WWP1: variants seen among roughly 807,000 people sequenced by gnomAD.
WWP1 encodes the protein WW domain containing E3 ubiquitin protein ligase 1.
A neutral mutation model predicts 130.6 loss-of-function variants in WWP1; 49 were observed. The ratio of observed to expected loss-of-function variants is 0.38; its 90% CI spans 0.30 to 0.48. The LOEUF (loss-of-function observed/expected upper bound fraction) is 0.48. Among genes scored for constraint, WWP1 ranks in the 20% least tolerant of loss-of-function variants. The pLI, the probability that WWP1 is intolerant of heterozygous loss-of-function variation, is 0.99. For missense variants in WWP1, 809 were observed against 1,100.6 expected, an observed-to-expected ratio of 0.74 and a Z score of 3.75; for synonymous variants, 332 against 367.8, an observed-to-expected ratio of 0.90 and a Z score of 1.11.
chr8:86,405,041 G>C (rs1417780742), intron 8 of WWP1: 3 of 152,180 alleles, frequency 2.0e-5, no homozygotes, highest in Non-Finnish European at 4.4e-5. Context: ...GAGGCTTCCG[G>C]AACCTGCTCT....
chr8:86,362,071 T>TAC (rs745384961), intron 1 of WWP1, among the ~76,000 whole-genome samples: 4 of 131,448 alleles, frequency 3.0e-5, no homozygotes, highest in Admixed American at 1.5e-4. Flanking sequence ...CACATATATA[T>TAC]ACACATATAT....
Position 86,430,692 on chromosome 8 carries a change from A to G in WWP1, c.1333-5A>G, listed in dbSNP as rs775134934. 3 of 1,577,542 alleles carry G rather than the reference A, an allele frequency of 1.9e-6. No individual in the cohort carries two copies. Among genetic ancestry groups the G allele is most frequent in the Admixed American group, 1.7e-5 (1 of 57,254 alleles). On this transcript the variant is annotated splice_region_variant and splice_polypyrimidine_tract_variant and intron_variant, in intron 11 of 24. Transcript: ENST00000517970. ...ATTTCTCTCCCTAATCTTTTCTCCA[A>G]TCAGGCTTCAATGTTAGCTGCAGAA...
intron 1 of WWP1, among the ~76,000 whole-genome samples, chr8:86,362,594 G>T (rs1823735233): frequency 6.6e-6 from 1 of 151,952 alleles, no homozygotes; most frequent in African/African-American, 2.4e-5. Context: ...TGTTGCTCTT[G>T]TTTATTTTAA....
At position 86,423,441 on chromosome 8, in the gene WWP1, G is replaced by A. The variant is rs182601228; in HGVS notation, c.1062-1782G>A. Among the ~76,000 whole-genome samples, 1,498 of 152,180 alleles carry A rather than the reference G, an allele frequency of 9.8e-3. 27 individuals carry two copies. Among genetic ancestry groups the A allele is most frequent in the African/African-American group, 0.034 (1,429 of 41,486 alleles). On this transcript the variant is annotated intron_variant, in intron 9 of 24. Coordinates refer to ENST00000517970, the MANE Select transcript of WWP1 (RefSeq NM_007013.4). Reference sequence around the variant, plus strand: ...GGTGATGACTCTTAAGGAGTATGCTGCCTTCAAGCATCTGTTTAACAAAGC... The same window carrying A: ...GGTGATGACTCTTAAGGAGTATGCTACCTTCAAGCATCTGTTTAACAAAGC...
At chr8:86,437,834 C>G (rs1056760840) in intron 16 of WWP1, among the ~76,000 whole-genome samples, 3 of 152,156 alleles carry the variant, frequency 2.0e-5, no homozygotes, top group African/African-American at 7.2e-5. Context: ...GAGTCTCGCT[C>G]TGTCGCCCAG....
At position 86,438,686 on chromosome 8, in the gene WWP1, A is replaced by C; in HGVS notation, c.1838+13A>C. The stretch of plus-strand genomic sequence containing the variant: ...GTGGCCTAGCGAGGTAAAATAAAAA[A>C]CACATATCTGCCTTGAAATAAGTAT... On this transcript the variant is annotated intron_variant, in intron 17 of 24. Transcript: ENST00000517970. 6.3e-7 allele frequency: 1 copy of C among 1,581,206 alleles called. No individual in the cohort carries two copies. Among genetic ancestry groups the C allele is most frequent in the Non-Finnish European group, 8.6e-7 (1 of 1,163,970 alleles).
intron 1 of WWP1, among the ~76,000 whole-genome samples, chr8:86,367,649 C>A (rs1434930417): frequency 2.0e-5 from 3 of 152,108 alleles, no homozygotes; most frequent in African/African-American, 4.8e-5. Context: ...CTGACCATAC[C>A]CTCTGAGCAT....
At chr8:86,366,575 T>C (rs1823982635) in intron 1 of WWP1, among the ~76,000 whole-genome samples, 1 of 152,226 alleles carries the variant, frequency 6.6e-6, no homozygotes. Context: ...AAATTGGTTT[T>C]TCCTTTCTGA....
chr8:86,460,788 ATCTTTTTTT>A (rs1811718534), intron 22 of WWP1, among the ~76,000 whole-genome samples: 4 of 67,756 alleles, frequency 5.9e-5, no homozygotes, highest in Admixed American at 1.9e-4. Flanking sequence ...TTTTTAGCAC[ATCTTTTTTT>A]TTTTTTTTTT....
rs984504008 is a variant in WWP1, at chr8:86,429,107, G to A, written c.1332+1290G>A. 3.9e-4 allele frequency among the ~76,000 whole-genome samples: 59 copies of A among 152,156 alleles called. 2 individuals carry two copies. The highest frequency in any genetic ancestry group is 5.9e-5 in the Non-Finnish European group (4 of 68,028). ...GCCATCCATATCGCACTTCAGGCCT[G>A]TTACTTCGTTTATATACTCTGCACT... On this transcript the variant is annotated intron_variant, in intron 11 of 24. Coordinates refer to ENST00000517970, the MANE Select transcript of WWP1 (RefSeq NM_007013.4).
At chr8:86,418,544 G>A (rs1275218956) in intron 9 of WWP1, among the ~76,000 whole-genome samples, 1 of 152,138 alleles carries the variant, frequency 6.6e-6, no homozygotes, top group Non-Finnish European at 1.5e-5. Flanking sequence ...ATTCTGGCCT[G>A]TCAGTGGGAA....
chr8:86,382,185 T>G (rs1825021521), intron 5 of WWP1, among the ~76,000 whole-genome samples: 2 of 152,182 alleles, frequency 1.3e-5, no homozygotes, highest in Admixed American at 1.3e-4. Flanking sequence ...ATCTACTAGT[T>G]TATCCTCTGC....
intron 16 of WWP1, among the ~76,000 whole-genome samples, chr8:86,436,088 T>C (rs937364308): frequency 6.6e-6 from 1 of 152,184 alleles, no homozygotes; most frequent in African/African-American, 2.4e-5. Flanking sequence ...ACATTTCTCA[T>C]TTTATTTCAT....
chr8:86,391,523 C>T (rs1004914905), intron 5 of WWP1, among the ~76,000 whole-genome samples: 1 of 150,772 alleles, frequency 6.6e-6, no homozygotes, highest in Non-Finnish European at 1.5e-5. Flanking sequence ...AAAAAAAAAT[C>T]CCTCTATTGT....
chr8:86,357,359 G>A (rs959365570), intron 1 of WWP1, among the ~76,000 whole-genome samples: 1 of 151,948 alleles, frequency 6.6e-6, no homozygotes, highest in Non-Finnish European at 1.5e-5. Context: ...TTATATGACT[G>A]CTAACAGCCA....
chr8:86,419,193 G>A (rs866051565), intron 9 of WWP1, among the ~76,000 whole-genome samples: 4 of 152,204 alleles, frequency 2.6e-5, no homozygotes, highest in Admixed American at 6.5e-5. Context: ...GCCTGGGCAC[G>A]CAGATCACTT....
intron 21 of WWP1, among the ~76,000 whole-genome samples, chr8:86,453,573 C>G (rs1274465627): frequency 6.6e-6 from 1 of 152,140 alleles, no homozygotes; most frequent in Non-Finnish European, 1.5e-5. Flanking sequence ...ATTGTTGGAT[C>G]ATATGGTAAT....
At chr8:86,358,340 C>G (rs1444065973) in intron 1 of WWP1, among the ~76,000 whole-genome samples, 1 of 152,110 alleles carries the variant, frequency 6.6e-6, no homozygotes, top group Non-Finnish European at 1.5e-5. Flanking sequence ...TGTAAAATTT[C>G]AGTTCTATGC....
chr8:86,432,838 C>T (rs1431435299), intron 14 of WWP1, among the ~76,000 whole-genome samples: 1 of 152,144 alleles, frequency 6.6e-6, no homozygotes, highest in Non-Finnish European at 1.5e-5. Context: ...GGACTCCTGA[C>T]CTCAGGCGAT....
Sources: gnomAD v4.1 joint callset for allele counts (sites outside exome capture counted in the v4.1 genomes callset) on GRCh38, gnomAD v4.1.1 for gene constraint, MANE v1.5 for transcripts, NCBI Gene and HGNC (gene_info 2026-07-23, HGNC 2026-07-21) for gene names.